The following KIF6 variants were observed in gnomAD, a reference collection of about 807,000 sequenced individuals.
The protein encoded by KIF6 is kinesin family member 6, also known as kinesin-like protein KIF6.
In KIF6, 106 loss-of-function variants were observed where a neutral mutation model predicts 112.7. That is an observed-to-expected ratio of 0.94 (90% CI 0.80 to 1.11). The LOEUF is 1.11. Among genes scored for constraint, KIF6 ranks in the 50% least tolerant of loss-of-function variants. The probability of loss-of-function intolerance (pLI) is 0.00; values close to 1 mark genes in which losing one functional copy is unlikely to be tolerated. For synonymous variants in KIF6, 339 were observed against 339.9 expected, an observed-to-expected ratio of 1.00 and a Z score of 0.03; for missense variants, 929 against 964.0, an observed-to-expected ratio of 0.96 and a Z score of 0.48.
chr6:39,419,911 G>T, intron 15 of KIF6, 37 bp downstream of exon 15: 1 of 1,565,772 alleles, frequency 6.4e-7, no homozygotes, highest in Non-Finnish European at 8.8e-7. Context: ...CAGGAAAATG[G>T]TTTCTGAAAG....
intron 13 of KIF6, among the ~76,000 whole-genome samples, chr6:39,508,720 C>A (rs573174295): frequency 6.6e-6 from 1 of 152,106 alleles, no homozygotes; most frequent in African/African-American, 2.4e-5. Flanking sequence ...GCAAACAAAG[C>A]GGCAGGGAAG....
At chr6:39,709,659 G>C (rs1789426212) in intron 3 of KIF6, among the ~76,000 whole-genome samples, 2 of 152,164 alleles carry the variant, frequency 1.3e-5, no homozygotes. Context: ...ACAGAATTTT[G>C]GACAGAAATG....
intron 3 of KIF6, among the ~76,000 whole-genome samples, chr6:39,711,565 A>C (rs1405874171): frequency 6.6e-6 from 1 of 152,058 alleles, no homozygotes; most frequent in Non-Finnish European, 1.5e-5. Flanking sequence ...AGAGACAAAA[A>C]TCTCACTATG....
intron 15 of KIF6, among the ~76,000 whole-genome samples, chr6:39,389,623 C>A (rs1767706773): frequency 6.6e-6 from 1 of 152,194 alleles, no homozygotes; most frequent in East Asian, 1.9e-4. Flanking sequence ...TGCTTTCCTG[C>A]TGAGCCTGAG....
At chr6:39,567,513 A>C (rs1037561652) in intron 10 of KIF6, among the ~76,000 whole-genome samples, 7 of 152,202 alleles carry the variant, frequency 4.6e-5, no homozygotes, top group African/African-American at 1.4e-4. Flanking sequence ...CAAAATTCTG[A>C]GTATTTCCAG....
intron 10 of KIF6, among the ~76,000 whole-genome samples, chr6:39,574,099 T>C (rs996493681): frequency 6.6e-6 from 1 of 152,224 alleles, no homozygotes; most frequent in Admixed American, 6.5e-5. Context: ...TTTCAATCTA[T>C]TGTCACAATT....
At chr6:39,478,061 A>G (rs140562444) in intron 13 of KIF6, among the ~76,000 whole-genome samples, 11,948 of 152,052 alleles carry the variant, frequency 0.079, 625 homozygotes, top group Middle Eastern at 0.14. Flanking sequence ...TTTCATTTCC[A>G]TAGGTTTTTG....
intron 7 of KIF6, among the ~76,000 whole-genome samples, chr6:39,590,417 GTA>G (rs1362679925): frequency 1.4e-5 from 1 of 73,284 alleles, no homozygotes; most frequent in African/African-American, 5.3e-5. Context: ...ATATGTGTGT[GTA>G]TGTGTGTGTG....
chr6:39,553,458 G>T (rs1274363915), intron 10 of KIF6, among the ~76,000 whole-genome samples: 7 of 152,240 alleles, frequency 4.6e-5, no homozygotes, highest in Middle Eastern at 3.4e-3. Context: ...ATCCAGACTG[G>T]TTTGCCTTTT....
chr6:39,441,942 G>A (rs1243902696), intron 13 of KIF6, among the ~76,000 whole-genome samples: 1 of 152,206 alleles, frequency 6.6e-6, no homozygotes, highest in Non-Finnish European at 1.5e-5. Flanking sequence ...AAGCATGGTA[G>A]GCTTGGCAGG....
At chr6:39,610,009 C>T (rs568973536) in intron 6 of KIF6, among the ~76,000 whole-genome samples, 3 of 152,314 alleles carry the variant, frequency 2.0e-5, no homozygotes, top group African/African-American at 7.2e-5. Flanking sequence ...TAGGACTATG[C>T]CTTCAAGGTA....
intron 16 of KIF6, among the ~76,000 whole-genome samples, chr6:39,376,453 GCACTGGGCTAT>G (rs2150295976): frequency 6.6e-6 from 1 of 152,338 alleles, no homozygotes; most frequent in East Asian, 1.9e-4. Context: ...ACTGTGCCCG[GCACTGGGCTAT>G]CATCTGGTCC....
intron 15 of KIF6, among the ~76,000 whole-genome samples, chr6:39,388,662 T>C (rs12175497): frequency 0.18 from 27,081 of 152,096 alleles, 4,144 homozygotes; most frequent in African/African-American, 0.41. Flanking sequence ...CTTGCAGCTT[T>C]ATGGGTTTTG....
intron 13 of KIF6, among the ~76,000 whole-genome samples, chr6:39,501,994 G>C (rs1340216292): frequency 6.6e-6 from 1 of 152,058 alleles, no homozygotes; most frequent in Non-Finnish European, 1.5e-5. Flanking sequence ...ACCCCAGTAA[G>C]ATACTCCATG....
intron 15 of KIF6, among the ~76,000 whole-genome samples, chr6:39,404,105 T>C (rs1768912783): frequency 6.6e-6 from 1 of 152,206 alleles, no homozygotes; most frequent in Non-Finnish European, 1.5e-5. Flanking sequence ...GAAAATATTT[T>C]CTCCCAGTCT....
intron 13 of KIF6, among the ~76,000 whole-genome samples, chr6:39,451,648 G>T (rs1772708775): frequency 6.6e-6 from 1 of 152,126 alleles, no homozygotes; most frequent in Admixed American, 6.5e-5. Context: ...TGAGGGAGGG[G>T]CATGGCTGTG....
chr6:39,454,763 G>C (rs866293158), intron 13 of KIF6, among the ~76,000 whole-genome samples: 3 of 152,020 alleles, frequency 2.0e-5, no homozygotes, highest in Non-Finnish European at 4.4e-5. Flanking sequence ...GATGACGGAC[G>C]CACCTGGAAA....
rs139624607 is a variant in KIF6 at position 39,344,588 on chromosome 6, G to A, written c.2322-773C>T. 3.3e-5 allele frequency among the ~76,000 whole-genome samples: 5 copies of A among 151,870 alleles called. No individual in the cohort carries two copies. In the East Asian group the frequency reaches 9.7e-4, roughly 30 times the overall value. ...CCCTGGACTGCCCTCCCCACCACCC[G>A]TCACATGGCGGCTGTGCTTTCTCTC... On this transcript the variant is annotated intron_variant, in intron 21 of 22. Coordinates refer to ENST00000287152, the MANE Select transcript of KIF6 (RefSeq NM_145027.6).
At chr6:39,685,575 A>G (rs753443690) in intron 3 of KIF6, among the ~76,000 whole-genome samples, 1 of 152,248 alleles carries the variant, frequency 6.6e-6, no homozygotes, top group Non-Finnish European at 1.5e-5. Flanking sequence ...CCCATTTGAA[A>G]TATGCAGGCA....
Sources: allele counts gnomAD v4.1 joint callset (sites outside exome capture counted in the v4.1 genomes callset), GRCh38; gene constraint gnomAD v4.1.1; transcripts MANE v1.5; gene names NCBI Gene and HGNC (gene_info 2026-07-23, HGNC 2026-07-21).